The following DMAP1 variants were observed in gnomAD, a reference collection of about 807,000 sequenced individuals.
DMAP1 encodes DNA methyltransferase 1-associated protein 1.
In DMAP1, 26 loss-of-function variants were observed where a neutral mutation model predicts 52.7. The observed-to-expected ratio is 0.49, with a 90% CI of 0.36 to 0.68. DMAP1 has a LOEUF of 0.68. DMAP1 is among the 30% of genes least tolerant of loss of function. DMAP1 has a pLI of 0.00. For synonymous variants in DMAP1, 231 were observed against 246.0 expected (o/e 0.94, Z 0.57); for missense variants, 439 against 625.2 (o/e 0.70, Z 3.18).
chr1:44,218,986 CCT>C lies in DMAP1; in HGVS notation c.721-69_721-68del, dbSNP rs528864929. On this transcript the variant is annotated intron_variant, in intron 5 of 9. Coordinates refer to ENST00000372289, the MANE Select transcript of DMAP1 (RefSeq NM_019100.5). The surrounding 1 kb of genome is among the most constrained non-coding windows in gnomAD (Gnocchi z 5.6). ...GATTCCCTCACAGACAGCCCAGCAC[CCT>C]GTCACCTCCGTGTCTACCCTCACTC... 437 of 1,574,100 alleles carry C rather than the reference CCT, an allele frequency of 2.8e-4. No homozygotes were observed. The African/African-American group carries it at 4.4e-3, about 16-fold the overall frequency.
Position 44,218,412 on chromosome 1 carries a change from C to T in DMAP1, c.495C>T (p.Arg165=), listed in dbSNP as rs138626857. 1,232 of 1,614,254 alleles carry T rather than the reference C, an allele frequency of 7.6e-4. 8 individuals carry two copies. The highest frequency in any genetic ancestry group is 2.0e-3 in the Middle Eastern group (12 of 6,062). The change falls in exon 4 of 10, where the codon CGC becomes CGT. Residue 165 remains arginine, a synonymous_variant. Transcript: ENST00000372289. This position sits in a 1 kb window ranked among gnomAD's most constrained non-coding sequence, Gnocchi z 5.6. ...AETDHLFDLS[R]RFDLRFVVIH... The stretch of plus-strand genomic sequence containing the variant: ...CTGACCACCTCTTTGACCTCAGCCG[C>T]CGCTTTGACCTGCGTTTTGTTGTTA...
chr1:44,213,505 G>C lies in DMAP1; in HGVS notation c.-249G>C. 2.1e-6 allele frequency: 1 copy of C among 465,398 alleles called. No homozygotes were observed. Among genetic ancestry groups the C allele is most frequent in the Non-Finnish European group, 3.9e-6 (1 of 257,530 alleles). The allele number at this position is 465,398 out of a possible 1,614,324, so 28.8% of individuals were successfully genotyped here. On this transcript the variant is annotated 5_prime_UTR_variant, in exon 1 of 10. Transcript: ENST00000372289. This position sits in a 1 kb window ranked among gnomAD's most constrained non-coding sequence, Gnocchi z 4.5. ...TTGCGGGGACGGGGGAGTGGTAGTG[G>C]GGGCTGCAGCTGCCGGACCCAGGTG...
intron 8 of DMAP1, 55 bp downstream of exon 8, chr1:44,219,933 G>A (rs1572034295): frequency 6.2e-7 from 1 of 1,613,106 alleles, no homozygotes; most frequent in Non-Finnish European, 8.5e-7. Flanking sequence ...TGTGGATATA[G>A]GTTGGGCAGG....
At position 44,220,617 on chromosome 1, in the gene DMAP1, G is replaced by GA. The variant is rs778072777; in HGVS notation, c.1404dup. The GA allele has an allele frequency of 5.0e-6, 8 of 1,614,234 alleles. No homozygotes were observed. The highest frequency in any genetic ancestry group is 5.9e-6 in the Non-Finnish European group (7 of 1,180,030). The part of the protein sequence containing the change: ...SSSVKKAKKP[*] The stretch of plus-strand genomic sequence containing the variant: ...TCCGTGAAGAAAGCCAAGAAGCCGT[G>GA]AGAGGCCCCACGGGGTGTGGGCGAC... The change falls in exon 10 of 10, where the codon TGA becomes TGAA. Residue 468 remains the stop codon, a frameshift_variant and stop_retained_variant. Transcript: ENST00000372289. LOFTEE classifies it high-confidence loss of function.
At position 44,218,419 on chromosome 1, in the gene DMAP1, G is replaced by C; in HGVS notation, c.502G>C (p.Asp168His). 6.2e-7 allele frequency: 1 copy of C among 1,614,232 alleles called. No homozygotes were observed. The highest frequency in any genetic ancestry group is 8.5e-7 in the Non-Finnish European group (1 of 1,180,044). ...DHLFDLSRRF[D>H]LRFVVIHDRY... ...CCTCTTTGACCTCAGCCGCCGCTTT[G>C]ACCTGCGTTTTGTTGTTATCCATGA... Residue 168 changes from aspartate (D) to histidine (H), a missense_variant, in exon 4 of 10, where the codon GAC (aspartate) becomes CAC (histidine). This residue lies in a region of DMAP1 where 142 missense variants were observed against 149.5 expected (regional missense o/e 0.95). Transcript: ENST00000372289. This position sits in a 1 kb window ranked among gnomAD's most constrained non-coding sequence, Gnocchi z 5.6.
At position 44,213,727 on chromosome 1, in the gene DMAP1, C is replaced by T; in HGVS notation, c.-27C>T. On this transcript the variant is annotated 5_prime_UTR_variant, in exon 1 of 10. Transcript: ENST00000372289. This position sits in a 1 kb window ranked among gnomAD's most constrained non-coding sequence, Gnocchi z 4.5. ...TCTTCAGGCACTGACCCTTGACCTCCGGTGGCTCCCCCATCTCTCAGGCGC... is the reference window on the plus strand; with the variant it reads ...TCTTCAGGCACTGACCCTTGACCTCTGGTGGCTCCCCCATCTCTCAGGCGC... 1 of 1,556,250 alleles carries T rather than the reference C, an allele frequency of 6.4e-7. No individual in the cohort carries two copies. Among genetic ancestry groups the T allele is most frequent in the Non-Finnish European group, 8.7e-7 (1 of 1,149,394 alleles).
Position 44,218,126 on chromosome 1 carries a change from G to A in DMAP1, c.394-185G>A. The A allele has an allele frequency of 1.3e-6, 1 of 744,102 alleles. No homozygotes were observed. The highest frequency in any genetic ancestry group is 2.3e-6 in the Non-Finnish European group (1 of 426,350). 46.1% of individuals were successfully genotyped at this position (744,102 alleles called of 1,614,324 possible). A position where few individuals can be genotyped will look rare whatever the true frequency, so the allele number is the denominator to read the frequency against. ...TGATCCTGGAATAAATCAGAGGCAG[G>A]CTACAGTCCCAAACCCTGCTAGGAC... is the stretch of plus-strand genomic sequence containing the variant. On this transcript the variant is annotated intron_variant, in intron 3 of 9. Transcript: ENST00000372289. The surrounding 1 kb of genome is among the most constrained non-coding windows in gnomAD (Gnocchi z 5.6).
chr1:44,213,503 T>C lies in DMAP1; in HGVS notation c.-251T>C. ...CTTTGCGGGGACGGGGGAGTGGTAG[T>C]GGGGGCTGCAGCTGCCGGACCCAGG... is the stretch of plus-strand genomic sequence containing the variant. On this transcript the variant is annotated 5_prime_UTR_variant, in exon 1 of 10. Coordinates refer to ENST00000372289, the MANE Select transcript of DMAP1 (RefSeq NM_019100.5). The surrounding 1 kb of genome is among the most constrained non-coding windows in gnomAD (Gnocchi z 4.5). 1 of 461,722 alleles carries C rather than the reference T, an allele frequency of 2.2e-6. No individual in the cohort carries two copies. Among genetic ancestry groups the C allele is most frequent in the Non-Finnish European group, 3.9e-6 (1 of 255,294 alleles). 28.6% of individuals were successfully genotyped at this position (461,722 alleles called of 1,614,324 possible). A position where few individuals can be genotyped will look rare whatever the true frequency, so the allele number is the denominator to read the frequency against.
chr1:44,215,170 C>T, intron 3 of DMAP1: 1 of 589,424 alleles, frequency 1.7e-6, no homozygotes, highest in Non-Finnish European at 3.2e-6. Context: ...ATCCTAGGTG[C>T]TCTAGTCTTC....
rs185400619 is a variant in DMAP1, at chr1:44,213,490, G to C, written c.-264G>C. 3.6e-5 allele frequency: 15 copies of C among 412,552 alleles called. No individual in the cohort carries two copies. Among genetic ancestry groups the C allele is most frequent in the African/African-American group, 1.2e-4 (6 of 48,450 alleles). 25.6% of individuals were successfully genotyped at this position (412,552 alleles called of 1,614,324 possible). On this transcript the variant is annotated 5_prime_UTR_variant, in exon 1 of 10. Transcript: ENST00000372289. The surrounding 1 kb of genome is among the most constrained non-coding windows in gnomAD (Gnocchi z 4.5). ...GTTTCTGCCGCGGCTTTGCGGGGAC[G>C]GGGGAGTGGTAGTGGGGGCTGCAGC...
chr1:44,217,865 G>A, intron 3 of DMAP1: 1 of 249,900 alleles, frequency 4.0e-6, no homozygotes, highest in Non-Finnish European at 8.1e-6. Flanking sequence ...CCTGACCTTG[G>A]CAAACTCTGG....
chr1:44,218,930 C>G lies in DMAP1; in HGVS notation c.721-126C>G. 7.0e-7 allele frequency: 1 copy of G among 1,421,082 alleles called. No individual in the cohort carries two copies. Among genetic ancestry groups the G allele is most frequent in the Non-Finnish European group, 9.6e-7 (1 of 1,039,832 alleles). The allele number at this position is 1,421,082 out of a possible 1,614,324, so 88.0% of individuals were successfully genotyped here. On this transcript the variant is annotated intron_variant, in intron 5 of 9. Coordinates refer to ENST00000372289, the MANE Select transcript of DMAP1 (RefSeq NM_019100.5). This position sits in a 1 kb window ranked among gnomAD's most constrained non-coding sequence, Gnocchi z 5.6. ...GCCATCCCCCCTGCTTTTCATAGCC[C>G]TTCACCTCCCTCATGATCCATTACT...
At position 44,214,899 on chromosome 1, in the gene DMAP1, G is replaced by A; in HGVS notation, c.393+1G>A. 1 of 1,614,126 alleles carries A rather than the reference G, an allele frequency of 6.2e-7. No individual in the cohort carries two copies. Among genetic ancestry groups the A allele is most frequent in the Non-Finnish European group, 8.5e-7 (1 of 1,180,030 alleles). On this transcript the variant is annotated splice_donor_variant, in intron 3 of 9. Coordinates refer to ENST00000372289, the MANE Select transcript of DMAP1 (RefSeq NM_019100.5). LOFTEE classifies it high-confidence loss of function. ...CTACCCCTTTGCCAGGTTCAATAAG[G>A]TAAGCTACCTTCATTCGGACACAGG... is the stretch of plus-strand genomic sequence containing the variant.
rs1384602226 is a variant in DMAP1, at chr1:44,219,131, C to T, written c.796C>T (p.Gln266Ter). ...GAAGAAGGAGCGGGAGAAACGCAGC[C>T]AGGACCTGCAGAAGCTGATCACAGC... Reference protein sequence around the residue: ...ARKKEREKRSQDLQKLITAAD... With the variant: ...ARKKEREKRS Residue 266 changes from glutamine (Q) to a stop codon, truncating the protein, a stop_gained, in exon 6 of 10, where the codon CAG (glutamine) becomes TAG (stop). Coordinates refer to ENST00000372289, the MANE Select transcript of DMAP1 (RefSeq NM_019100.5). LOFTEE classifies it high-confidence loss of function. The T allele has an allele frequency of 6.2e-7, 1 of 1,614,226 alleles. No homozygotes were observed. Among genetic ancestry groups the T allele is most frequent in the Non-Finnish European group, 8.5e-7 (1 of 1,180,044 alleles).
chr1:44,213,678 G>T lies in DMAP1; in HGVS notation c.-76G>T, dbSNP rs1014841102. ...CTCCGCTTAGGTCTGGATTGGCCCC[G>T]CCCCCTGACCTGAGCCTGGTCCTTC... On this transcript the variant is annotated 5_prime_UTR_variant, in exon 1 of 10. Coordinates refer to ENST00000372289, the MANE Select transcript of DMAP1 (RefSeq NM_019100.5). This position sits in a 1 kb window ranked among gnomAD's most constrained non-coding sequence, Gnocchi z 4.5. 1.4e-6 allele frequency: 2 copies of T among 1,396,886 alleles called. No homozygotes were observed. Among genetic ancestry groups the T allele is most frequent in the African/African-American group, 2.9e-5 (2 of 70,006 alleles). The allele number at this position is 1,396,886 out of a possible 1,614,324, so 86.5% of individuals were successfully genotyped here.
intron 3 of DMAP1, chr1:44,217,159 T>G (rs1643811161): frequency 6.6e-6 from 1 of 152,224 alleles, no homozygotes; most frequent in Non-Finnish European, 1.5e-5. Context: ...CAGCATACAA[T>G]TGCTGTAAAA....
intron 3 of DMAP1, chr1:44,215,190 A>C (rs1176898340): frequency 9.1e-6 from 5 of 548,232 alleles, no homozygotes; most frequent in Non-Finnish European, 1.7e-5. Flanking sequence ...CTTGTTCTCT[A>C]CTTTCTTAGT....
intron 3 of DMAP1, chr1:44,217,176 CG>C (rs1643811507): frequency 6.6e-6 from 1 of 152,162 alleles, no homozygotes; most frequent in South Asian, 2.1e-4. Context: ...AAAATTGTTA[CG>C]TAAGTTTTTC....
At position 44,214,807 on chromosome 1, in the gene DMAP1, C is replaced by T; in HGVS notation, c.302C>T (p.Thr101Ile). 6.2e-7 allele frequency: 1 copy of T among 1,614,212 alleles called. No individual in the cohort carries two copies. Among genetic ancestry groups the T allele is most frequent in the Non-Finnish European group, 8.5e-7 (1 of 1,180,026 alleles). Residue 101 changes from threonine (T) to isoleucine (I), a missense_variant, in exon 3 of 10, where the codon ACC becomes ATC. By Grantham distance (89) the Thr-to-Ile change is moderately conservative (BLOSUM62 -1). This residue lies in a region of DMAP1 where 118 missense variants were observed against 189.8 expected (regional missense o/e 0.62). Transcript: ENST00000372289. ...CGGCCTTGGAAGTGGATGCCATTCA[C>T]CAACCCGGCCCGCAAGGACGGAGCA... is the stretch of plus-strand genomic sequence containing the variant. ...KVRPWKWMPF[T>I]NPARKDGAMF...
Sources: allele counts gnomAD v4.1 joint callset, GRCh38; gene constraint gnomAD v4.1.1; regional missense constraint gnomAD v4.1.1; non-coding constraint Gnocchi (gnomAD v3.1); transcripts MANE v1.5; gene names NCBI Gene and HGNC (gene_info 2026-07-23, HGNC 2026-07-21).